The following FAAH2 variants were observed in gnomAD, a reference collection of about 807,000 sequenced individuals.
FAAH2 encodes fatty-acid amide hydrolase 2.
FAAH2 carries 60 observed loss-of-function variants against 36.9 expected under a neutral mutation model. That is an observed-to-expected ratio of 1.63 (90% CI 1.32 to 2.02). FAAH2 has a LOEUF of 2.02. Ranked by LOEUF, FAAH2 falls within the 30% of genes most tolerant of loss-of-function variation. FAAH2 has a pLI of 0.00. For missense variants in FAAH2, 689 were observed against 397.5 expected (o/e 1.73, Z -6.23); for synonymous variants, 214 against 143.8 (o/e 1.49, Z -3.49).
the FAAH2 span, chrX:57,134,530 C>G: frequency 9.0e-6 from 1 of 111,582 alleles, no homozygotes; most frequent in Non-Finnish European, 1.9e-5. Flanking sequence ...TCCCCATACC[C>G]TCGAGAGAAA....
intron 3 of FAAH2, among the ~76,000 whole-genome samples, chrX:57,312,265 G>A (rs1411386970): frequency 8.9e-6 from 1 of 112,033 alleles, no homozygotes; most frequent in Non-Finnish European, 1.9e-5. Flanking sequence ...CTAGCTACCG[G>A]CCATTACTCT....
At chrX:57,290,180 T>A in intron 1 of FAAH2, 1 of 626,390 alleles carries the variant, frequency 1.6e-6, no homozygotes. Flanking sequence ...TCATGTTAAC[T>A]TCTACCTCTA....
intron 7 of FAAH2, among the ~76,000 whole-genome samples, chrX:57,383,639 G>A (rs1010222406): frequency 9.0e-6 from 1 of 111,484 alleles, no homozygotes; most frequent in East Asian, 2.8e-4. Context: ...CCTCTTCAAG[G>A]AGAACTACAA....
chrX:57,280,023 C>T, the FAAH2 span, among the ~76,000 whole-genome samples: 1 of 111,166 alleles, frequency 9.0e-6, no homozygotes, highest in Non-Finnish European at 1.9e-5. Context: ...ATGACAGCAT[C>T]CGAATAGATA....
At chrX:57,200,565 G>T in the FAAH2 span, among the ~76,000 whole-genome samples, 1 of 110,378 alleles carries the variant, frequency 9.1e-6, no homozygotes, top group East Asian at 2.9e-4. Flanking sequence ...TATTAGTAGA[G>T]ACAGGATTTC....
chrX:57,473,088 T>C (rs988280114), intron 10 of FAAH2, among the ~76,000 whole-genome samples: 30 of 111,165 alleles, frequency 2.7e-4, no homozygotes, highest in African/African-American at 9.8e-4. Context: ...ATTTGGTTTG[T>C]TCATGTTTTT....
chrX:57,442,552 A>G (rs1469910656), intron 8 of FAAH2, among the ~76,000 whole-genome samples: 4 of 110,942 alleles, frequency 3.6e-5, no homozygotes, highest in South Asian at 7.6e-4. Context: ...ATGTGTCTTG[A>G]CTCTCTGTCC....
At chrX:57,351,760 G>T (rs2054003818) in intron 5 of FAAH2, among the ~76,000 whole-genome samples, 1 of 107,353 alleles carries the variant, frequency 9.3e-6, no homozygotes. Context: ...AAAATCTATT[G>T]AGATTGATTC....
chrX:57,438,563 C>A (rs191695332), intron 8 of FAAH2, among the ~76,000 whole-genome samples: 115 of 109,726 alleles, frequency 1.0e-3, no homozygotes, highest in Non-Finnish European at 1.7e-3. Flanking sequence ...GTCATTTTTT[C>A]GAAGAATTAG....
intron 7 of FAAH2, among the ~76,000 whole-genome samples, chrX:57,428,010 T>G (rs762084967): frequency 3.3e-4 from 37 of 111,775 alleles, no homozygotes; most frequent in Non-Finnish European, 6.2e-4. Context: ...CTTTAAAGAC[T>G]CTACCCCAAA....
chrX:57,381,938 C>A (rs2054861926), intron 7 of FAAH2, among the ~76,000 whole-genome samples: 1 of 111,485 alleles, frequency 9.0e-6, no homozygotes, highest in Non-Finnish European at 1.9e-5. Flanking sequence ...AAGCACTCCT[C>A]AGCAAACGTA....
intron 10 of FAAH2, among the ~76,000 whole-genome samples, chrX:57,487,458 C>A (rs2057495816): frequency 9.0e-6 from 1 of 111,655 alleles, no homozygotes; most frequent in African/African-American, 3.3e-5. Context: ...ACTTAAAATG[C>A]ACAATGGATT....
At position 57,477,957 on chromosome X, in the gene FAAH2, G is replaced by A. The variant is rs191871684; in HGVS notation, c.1424-10800G>A. Reference sequence around the variant, plus strand: ...AGTGCCACAATAAACATACATGTGCGTGTGTCTTTACAGCAGCATGATTTA... The same window carrying A: ...AGTGCCACAATAAACATACATGTGCATGTGTCTTTACAGCAGCATGATTTA... On this transcript the variant is annotated intron_variant, in intron 10 of 10. Coordinates refer to ENST00000374900, the MANE Select transcript of FAAH2 (RefSeq NM_174912.4). Among the ~76,000 whole-genome samples the A allele has an allele frequency of 4.8e-3, 540 of 111,759 alleles. 2 individuals are homozygous for A. The highest frequency in any genetic ancestry group is 0.016 in the African/African-American group (502 of 30,795).
chrX:57,363,063 T>C (rs2054324986), intron 5 of FAAH2, among the ~76,000 whole-genome samples: 1 of 112,046 alleles, frequency 8.9e-6, no homozygotes, highest in African/African-American at 3.2e-5. Flanking sequence ...TTCGGGCTTT[T>C]CTTGGTTCCA....
intron 3 of FAAH2, among the ~76,000 whole-genome samples, chrX:57,325,051 G>A (rs1032316950): frequency 8.9e-6 from 1 of 111,749 alleles, no homozygotes; most frequent in Non-Finnish European, 1.9e-5. Flanking sequence ...TAGCATGAAG[G>A]TTGTTGAATT....
At chrX:57,411,150 C>T (rs1030485722) in intron 7 of FAAH2, among the ~76,000 whole-genome samples, 2 of 111,781 alleles carry the variant, frequency 1.8e-5, no homozygotes, top group Non-Finnish European at 3.8e-5. Context: ...CATGGATGTG[C>T]CTTCTTCACT....
At chrX:57,415,289 C>T (rs1338299458) in intron 7 of FAAH2, among the ~76,000 whole-genome samples, 5 of 111,116 alleles carry the variant, frequency 4.5e-5, no homozygotes, top group East Asian at 5.7e-4. Flanking sequence ...TTTGCTGTTG[C>T]TTCTCTAGTT....
chrX:57,407,965 C>A (rs1175661792), intron 7 of FAAH2, among the ~76,000 whole-genome samples: 1 of 111,756 alleles, frequency 8.9e-6, no homozygotes, highest in East Asian at 2.8e-4. Context: ...ACTTTATACA[C>A]ATGGATTTAG....
intron 7 of FAAH2, among the ~76,000 whole-genome samples, chrX:57,406,422 TA>T (rs2055568642): frequency 9.0e-6 from 1 of 111,704 alleles, no homozygotes; most frequent in African/African-American, 3.3e-5. Context: ...AGAGCCAGCT[TA>T]CCCTGGGGTA....
Sources: gnomAD v4.1 joint callset for allele counts (sites outside exome capture counted in the v4.1 genomes callset) on GRCh38, gnomAD v4.1.1 for gene constraint, MANE v1.5 for transcripts, NCBI Gene and HGNC (gene_info 2026-07-23, HGNC 2026-07-21) for gene names.